The following CTNNA1 variants were observed in gnomAD, a reference collection of about 807,000 sequenced individuals.
CTNNA1 encodes the protein catenin alpha 1.
In CTNNA1, 37 loss-of-function variants were observed where a neutral mutation model predicts 98.4. That is an observed-to-expected ratio of 0.38 (90% CI 0.29 to 0.49). CTNNA1 has a LOEUF of 0.49. Among genes scored for constraint, CTNNA1 ranks in the 20% least tolerant of loss-of-function variants. CTNNA1 has a pLI of 0.95. For missense variants in CTNNA1, 761 were observed against 1,147.2 expected, an observed-to-expected ratio of 0.66 and a Z score of 4.86; for synonymous variants, 404 against 413.2, an observed-to-expected ratio of 0.98 and a Z score of 0.27.
chr5:138,762,467 A>G (rs572278618), intron 1 of CTNNA1, among the ~76,000 whole-genome samples: 2 of 139,872 alleles, frequency 1.4e-5, no homozygotes, highest in East Asian at 4.5e-4. Flanking sequence ...TAGAGCCTTA[A>G]ATGTTCATTA....
At chr5:138,800,744 A>G (rs1757486325) in intron 3 of CTNNA1, among the ~76,000 whole-genome samples, 1 of 152,112 alleles carries the variant, frequency 6.6e-6, no homozygotes, top group Admixed American at 6.6e-5. Context: ...CGGAGGTTGC[A>G]GTGAGCTGAG....
intron 1 of CTNNA1, among the ~76,000 whole-genome samples, chr5:138,769,761 G>A (rs937603514): frequency 6.6e-6 from 1 of 151,984 alleles, no homozygotes; most frequent in African/African-American, 2.4e-5. Flanking sequence ...TCGAACTCCC[G>A]ACCTCAGGTG....
At chr5:138,904,251 C>G (rs2150139317) in intron 9 of CTNNA1, 98 bp from the exon 10 acceptor site, 1 of 1,406,000 alleles carries the variant, frequency 7.1e-7, no homozygotes, top group Middle Eastern at 2.6e-4. Context: ...GTGCCCTTGT[C>G]ATCTGTTCCA....
chr5:138,842,103 C>T (rs1205219694), intron 7 of CTNNA1, among the ~76,000 whole-genome samples: 2 of 151,956 alleles, frequency 1.3e-5, no homozygotes, highest in Admixed American at 6.6e-5. Flanking sequence ...AAAATTATAC[C>T]GGCCGGGGCA....
chr5:138,887,714 T>A, intron 9 of CTNNA1, 72 bp downstream of exon 9: 1 of 1,330,778 alleles, frequency 7.5e-7, no homozygotes, highest in Non-Finnish European at 1.0e-6. Context: ...TCACATTATT[T>A]AATCAGTTAA....
chr5:138,781,898 G>A, intron 1 of CTNNA1, 25 bp from the exon 2 acceptor site: 1 of 1,565,178 alleles, frequency 6.4e-7, no homozygotes, highest in East Asian at 2.3e-5. Flanking sequence ...ATGTTTGCCT[G>A]ACTGACTTTT....
At chr5:138,833,228 C>T (rs1761452975) in intron 7 of CTNNA1, among the ~76,000 whole-genome samples, 1 of 152,164 alleles carries the variant, frequency 6.6e-6, no homozygotes, top group Admixed American at 6.6e-5. Flanking sequence ...GCAGTCTTGC[C>T]CAGCAGGTCA....
At chr5:138,834,780 T>A (rs1179537333) in intron 7 of CTNNA1, among the ~76,000 whole-genome samples, 7 of 152,172 alleles carry the variant, frequency 4.6e-5, no homozygotes, top group Admixed American at 1.3e-4. Context: ...GTGAGTGGAA[T>A]GTCACTTGCC....
chr5:138,759,952 T>C (rs888196380), intron 1 of CTNNA1, among the ~76,000 whole-genome samples: 2 of 148,700 alleles, frequency 1.3e-5, no homozygotes, highest in East Asian at 2.0e-4. Context: ...TGTTTTAGAA[T>C]CTGGAATCCT....
chr5:138,914,191 G>A (rs538973892), intron 10 of CTNNA1, among the ~76,000 whole-genome samples: 1 of 152,202 alleles, frequency 6.6e-6, no homozygotes, highest in South Asian at 2.1e-4. Flanking sequence ...TTTTCCCTTT[G>A]TAGTGAAAAA....
intron 1 of CTNNA1, among the ~76,000 whole-genome samples, chr5:138,757,680 C>T (rs745880714): frequency 6.6e-6 from 1 of 152,192 alleles, no homozygotes; most frequent in African/African-American, 2.4e-5. Context: ...TTTGCCTTTA[C>T]TGCTAGGAAG....
intron 14 of CTNNA1, 124 bp from the exon 15 acceptor site, chr5:138,930,349 T>C: frequency 1.4e-6 from 1 of 696,692 alleles, no homozygotes; most frequent in Middle Eastern, 4.2e-4. Context: ...TCAGGCGAAA[T>C]GAAACCTATT....
At chr5:138,892,371 G>A (rs189333907) in intron 9 of CTNNA1, among the ~76,000 whole-genome samples, 2 of 98,148 alleles carry the variant, frequency 2.0e-5, no homozygotes, top group Admixed American at 3.3e-4. Context: ...ACAGAGTCTT[G>A]CTCTGTCGCC....
At chr5:138,838,350 A>G (rs922670879) in intron 7 of CTNNA1, among the ~76,000 whole-genome samples, 1 of 152,202 alleles carries the variant, frequency 6.6e-6, no homozygotes, top group African/African-American at 2.4e-5. Context: ...TTGATTTTGT[A>G]CGCATGGAGA....
chr5:138,874,689 C>T lies in CTNNA1; in HGVS notation c.1063-11523C>T, dbSNP rs1243567895. The T allele has an allele frequency of 9.3e-6, 7 of 750,820 alleles. No homozygotes were observed. In the East Asian group the frequency reaches 1.4e-4, roughly 15 times the overall value. 46.5% of individuals were successfully genotyped at this position (750,820 alleles called of 1,614,324 possible). On this transcript the variant is annotated intron_variant, in intron 7 of 17. Coordinates refer to ENST00000302763, the MANE Select transcript of CTNNA1 (RefSeq NM_001903.5). The surrounding 1 kb of genome is among the most constrained non-coding windows in gnomAD (Gnocchi z 4.1). ...CTGCATATAACTTATTTTTCATTTACTGCAGAAAAATTAACCTTATTGGTA... is the reference window on the plus strand; with the variant it reads ...CTGCATATAACTTATTTTTCATTTATTGCAGAAAAATTAACCTTATTGGTA...
intron 10 of CTNNA1, among the ~76,000 whole-genome samples, chr5:138,911,581 G>A (rs908769801): frequency 2.6e-5 from 4 of 152,194 alleles, no homozygotes; most frequent in Admixed American, 2.0e-4. Flanking sequence ...GGCAGCCTCA[G>A]GAATTTGGAG....
At chr5:138,913,054 G>A (rs529283226) in intron 10 of CTNNA1, among the ~76,000 whole-genome samples, 30 of 130,994 alleles carry the variant, frequency 2.3e-4, no homozygotes, top group Non-Finnish European at 3.6e-4. Flanking sequence ...TATAACTGAA[G>A]TGACTTTTTT....
At chr5:138,901,302 G>A (rs898017504) in intron 9 of CTNNA1, among the ~76,000 whole-genome samples, 2 of 151,962 alleles carry the variant, frequency 1.3e-5, no homozygotes, top group Non-Finnish European at 2.9e-5. Flanking sequence ...GGATTACAGG[G>A]GCGTGCCACC....
intron 7 of CTNNA1, among the ~76,000 whole-genome samples, chr5:138,856,405 G>A (rs944787646): frequency 3.0e-4 from 46 of 152,166 alleles, no homozygotes; most frequent in African/African-American, 1.0e-3. Flanking sequence ...TGTAGTGGCC[G>A]TGATCATAGC....
Sources: allele counts gnomAD v4.1 joint callset (sites outside exome capture counted in the v4.1 genomes callset), GRCh38; gene constraint gnomAD v4.1.1; non-coding constraint Gnocchi (gnomAD v3.1); transcripts MANE v1.5; gene names NCBI Gene and HGNC (gene_info 2026-07-23, HGNC 2026-07-21).